VTI1A: variants seen among roughly 807,000 people sequenced by gnomAD.
VTI1A encodes the protein vesicle transport through interaction with t-SNAREs homolog 1A.
A neutral mutation model predicts 34.9 loss-of-function variants in VTI1A; 22 were observed. That is an observed-to-expected ratio of 0.63 (90% CI 0.45 to 0.90). The LOEUF (loss-of-function observed/expected upper bound fraction) is 0.90. Among genes scored for constraint, VTI1A ranks in the 40% least tolerant of loss-of-function variants. VTI1A has a pLI of 0.00. For synonymous variants in VTI1A, 87 were observed against 97.3 expected (o/e 0.89, Z 0.62); for missense variants, 268 against 275.6 (o/e 0.97, Z 0.20).
intron 3 of VTI1A, among the ~76,000 whole-genome samples, chr10:112,495,189 T>C (rs1324896143): frequency 6.8e-6 from 1 of 147,636 alleles, no homozygotes; most frequent in African/African-American, 2.5e-5. Context: ...AAGAATTCAG[T>C]AATGGTCTTT....
chr10:112,639,572 A>C (rs1256574044), intron 5 of VTI1A, among the ~76,000 whole-genome samples: 1 of 152,208 alleles, frequency 6.6e-6, no homozygotes, highest in Admixed American at 6.5e-5. Context: ...TAATTCATTG[A>C]AATATTTAAG....
chr10:112,799,497 G>A (rs1305050688), intron 7 of VTI1A, among the ~76,000 whole-genome samples: 1 of 152,182 alleles, frequency 6.6e-6, no homozygotes, highest in Non-Finnish European at 1.5e-5. Context: ...TAGAAAAAGG[G>A]CAGATGCCCC....
chr10:112,650,482 A>G (rs903328316), intron 5 of VTI1A, among the ~76,000 whole-genome samples: 1 of 152,192 alleles, frequency 6.6e-6, no homozygotes, highest in Non-Finnish European at 1.5e-5. Context: ...AATAAGTGGA[A>G]GGAGTACACT....
intron 5 of VTI1A, among the ~76,000 whole-genome samples, chr10:112,579,437 C>G (rs1210599391): frequency 6.6e-6 from 1 of 152,106 alleles, no homozygotes; most frequent in African/African-American, 2.4e-5. Context: ...CACTGTGGCT[C>G]ACACCTGTAA....
intron 1 of VTI1A, among the ~76,000 whole-genome samples, chr10:112,457,109 T>A (rs1442759828): frequency 6.6e-6 from 1 of 152,218 alleles, no homozygotes; most frequent in African/African-American, 2.4e-5. Context: ...ACAGTCTGTC[T>A]GTAGACTGCA....
chr10:112,803,695 G>A lies in VTI1A; in HGVS notation c.561-11595G>A, dbSNP rs186779431. On this transcript the variant is annotated intron_variant, in intron 7 of 7. Transcript: ENST00000393077. ...GTGGGAGGATCACTTGAGCCCAGGAGGTGAAGGCTGCAGTGAGCTGTGATC... is the reference window on the plus strand; with the variant it reads ...GTGGGAGGATCACTTGAGCCCAGGAAGTGAAGGCTGCAGTGAGCTGTGATC... Among the ~76,000 whole-genome samples, 83 of 152,310 alleles carry A rather than the reference G, an allele frequency of 5.4e-4. 1 individual carries two copies. Among genetic ancestry groups the A allele is most frequent in the Admixed American group, 3.3e-3 (51 of 15,300 alleles).
Position 112,605,183 on chromosome 10 carries a change from G to T in VTI1A, c.428-63035G>T, listed in dbSNP as rs562672885. Among the ~76,000 whole-genome samples the T allele has an allele frequency of 1.9e-4, 29 of 152,136 alleles. 1 individual carries two copies. The highest frequency in any genetic ancestry group is 6.7e-4 in the African/African-American group (28 of 41,500). On this transcript the variant is annotated intron_variant, in intron 5 of 7. Transcript: ENST00000393077. Reference sequence around the variant, plus strand: ...GGTTTTGCCCCTTCCAGGCGACCTTGTCCAGGAGTGTGACAAACCCAGGCC... The same window carrying T: ...GGTTTTGCCCCTTCCAGGCGACCTTTTCCAGGAGTGTGACAAACCCAGGCC...
At chr10:112,575,632 A>G (rs1852302746) in intron 5 of VTI1A, among the ~76,000 whole-genome samples, 1 of 152,246 alleles carries the variant, frequency 6.6e-6, no homozygotes, top group Admixed American at 6.5e-5. Context: ...CATTTAAATT[A>G]GCAATTTATT....
At chr10:112,833,650 T>A in the VTI1A span, among the ~76,000 whole-genome samples, 2 of 152,088 alleles carry the variant, frequency 1.3e-5, no homozygotes, top group African/African-American at 4.8e-5. Flanking sequence ...CTTTGAGCCA[T>A]TTATTATGGC....
chr10:112,601,815 A>G (rs1844891733), intron 5 of VTI1A, among the ~76,000 whole-genome samples: 1 of 152,224 alleles, frequency 6.6e-6, no homozygotes, highest in Non-Finnish European at 1.5e-5. Context: ...TCTTAGGAGT[A>G]ATTTTTCTGA....
intron 7 of VTI1A, among the ~76,000 whole-genome samples, chr10:112,788,610 T>C (rs955759632): frequency 1.2e-4 from 18 of 152,092 alleles, no homozygotes; most frequent in Non-Finnish European, 1.5e-4. Context: ...TTGACTGGAG[T>C]GTTTAGTCCT....
intron 7 of VTI1A, among the ~76,000 whole-genome samples, chr10:112,720,663 T>C (rs368192544): frequency 3.0e-4 from 45 of 152,228 alleles, no homozygotes; most frequent in African/African-American, 9.6e-4. Context: ...ACCATGGTAG[T>C]ATTTTAGATT....
At chr10:112,677,274 A>G (rs371193922) in intron 7 of VTI1A, among the ~76,000 whole-genome samples, 4 of 152,150 alleles carry the variant, frequency 2.6e-5, no homozygotes, top group Admixed American at 1.3e-4. Context: ...GCTTTTGTCT[A>G]TACTCTGGGT....
At position 112,500,127 on chromosome 10, in the gene VTI1A, T is replaced by G. The variant is rs192992227; in HGVS notation, c.265-26960T>G. On this transcript the variant is annotated intron_variant, in intron 3 of 7. Transcript: ENST00000393077. Reference sequence around the variant, plus strand: ...CATGATATCCTTGGCCTTTTCAGTGTTTTTCATACATTGAAATTGGTTGCC... The same window carrying G: ...CATGATATCCTTGGCCTTTTCAGTGGTTTTCATACATTGAAATTGGTTGCC... Among the ~76,000 whole-genome samples, 1,130 of 152,252 alleles carry G rather than the reference T, an allele frequency of 7.4e-3. 13 individuals are homozygous for G. Among genetic ancestry groups the G allele is most frequent in the Non-Finnish European group, 0.011 (755 of 68,024 alleles).
chr10:112,489,641 C>T (rs918158655), intron 3 of VTI1A, among the ~76,000 whole-genome samples: 2 of 152,118 alleles, frequency 1.3e-5, no homozygotes, highest in African/African-American at 4.8e-5. Flanking sequence ...CAGAGTAAAA[C>T]TCAGTTCCCA....
At chr10:112,764,639 T>A (rs1851588536) in intron 7 of VTI1A, among the ~76,000 whole-genome samples, 1 of 152,192 alleles carries the variant, frequency 6.6e-6, no homozygotes, top group Non-Finnish European at 1.5e-5. Flanking sequence ...TGTATAAATA[T>A]AAATTTTTAA....
intron 5 of VTI1A, among the ~76,000 whole-genome samples, chr10:112,562,538 G>A (rs868782426): frequency 1.3e-5 from 2 of 151,856 alleles, no homozygotes; most frequent in Admixed American, 6.6e-5. Context: ...GTGTGTGTGT[G>A]TATATACACA....
chr10:112,509,280 G>A (rs1387001862), intron 3 of VTI1A, among the ~76,000 whole-genome samples: 4 of 152,096 alleles, frequency 2.6e-5, no homozygotes, highest in Non-Finnish European at 4.4e-5. Context: ...AGACAAAGCT[G>A]GAATTTGAAC....
intron 5 of VTI1A, among the ~76,000 whole-genome samples, chr10:112,597,617 A>AGG (rs34280782): frequency 0.63 from 95,183 of 150,796 alleles, 30,296 homozygotes; most frequent in Admixed American, 0.72. Context: ...CAAGAGTTTG[A>AGG]GGCTGCAGTG....
Sources: allele counts gnomAD v4.1 joint callset (sites outside exome capture counted in the v4.1 genomes callset), GRCh38; gene constraint gnomAD v4.1.1; transcripts MANE v1.5; gene names NCBI Gene and HGNC (gene_info 2026-07-23, HGNC 2026-07-21).